The following NFATC1 variants were observed in gnomAD, a reference collection of about 807,000 sequenced individuals.
NFATC1 encodes the protein nuclear factor of activated T cells 1.
Under a neutral mutation model 76.0 loss-of-function variants are expected in NFATC1, and 22 were observed. The observed-to-expected ratio is 0.29, with a 90% CI of 0.21 to 0.41. NFATC1 has a LOEUF of 0.41. Among genes scored for constraint, NFATC1 ranks in the 10% least tolerant of loss-of-function variants. NFATC1 has a pLI of 1.00. For missense variants in NFATC1, 1,357 were observed against 1,337.7 expected (o/e 1.01, Z -0.23); for synonymous variants, 704 against 613.1 (o/e 1.15, Z -2.19).
chr18:79,467,910 A>T (rs1255789645), intron 8 of NFATC1: 1 of 1,151,210 alleles, frequency 8.7e-7, no homozygotes, highest in East Asian at 6.0e-5. Context: ...CCTGGTGTGC[A>T]TTTGCACCCT....
Position 79,483,835 on chromosome 18 carries a change from T to TCCAGCGTGACGTGGTTCCTGGGGTGTCAC in NFATC1, c.2093-2413_2093-2412insCCAGCGTGACGTGGTTCCTGGGGTGTCAC, listed in dbSNP as rs1205233427. On this transcript the variant is annotated intron_variant, in intron 8 of 9. Coordinates refer to ENST00000427363, the MANE Select transcript of NFATC1 (RefSeq NM_001278669.2). ...AGCGTGACCTGGTCCTGGGGTGTCA[T>TCCAGCGTGACGTGGTTCCTGGGGTGTCAC]TCCAGCGTGACGTGGTTCCTGGGGT... is the stretch of plus-strand genomic sequence containing the variant. Among the ~76,000 whole-genome samples the TCCAGCGTGACGTGGTTCCTGGGGTGTCAC allele has an allele frequency of 6.7e-3, 800 of 120,068 alleles. 194 individuals carry two copies. Among genetic ancestry groups the TCCAGCGTGACGTGGTTCCTGGGGTGTCAC allele is most frequent in the African/African-American group, 0.026 (741 of 27,988 alleles). The allele number at this position is 120,068 out of a possible 152,430, so 78.8% of individuals were successfully genotyped here.
rs1049715498 is a variant in NFATC1 at position 79,468,589 on chromosome 18, G to A, written c.2092+1007G>A. On this transcript the variant is annotated intron_variant, in intron 8 of 9. Coordinates refer to ENST00000427363, the MANE Select transcript of NFATC1 (RefSeq NM_001278669.2). ...CAGCTGCGTTCTCTTAGTAAAATCA[G>A]GGTGTTTTGGAAGGTTTCCATTTTC... The A allele has an allele frequency of 3.9e-5, 6 of 152,188 alleles. No homozygotes were observed. In the South Asian group the frequency reaches 1.2e-3, roughly 32 times the overall value. 9.4% of individuals were successfully genotyped at this position (152,188 alleles called of 1,614,324 possible). A position where few individuals can be genotyped will look rare whatever the true frequency, so the allele number is the denominator to read the frequency against.
At chr18:79,458,075 C>T (rs1349899069) in intron 6 of NFATC1, among the ~76,000 whole-genome samples, 1 of 152,190 alleles carries the variant, frequency 6.6e-6, no homozygotes, top group Non-Finnish European at 1.5e-5. Context: ...GCCTGCCTGT[C>T]TCCTGAGCAC....
At chr18:79,426,377 G>A (rs1393825605) in intron 2 of NFATC1, among the ~76,000 whole-genome samples, 4 of 152,232 alleles carry the variant, frequency 2.6e-5, no homozygotes, top group Non-Finnish European at 5.9e-5. Context: ...CCCGTGGAAA[G>A]GACTGTGTGG....
chr18:79,414,336 G>A (rs371915849), intron 2 of NFATC1, among the ~76,000 whole-genome samples: 23 of 152,286 alleles, frequency 1.5e-4, no homozygotes, highest in African/African-American at 4.8e-4. Context: ...TCTCCCCACC[G>A]TGGTACAGAA....
Position 79,410,126 on chromosome 18 carries a change from C to G in NFATC1, c.128-277C>G, listed in dbSNP as rs761955849. 2.1e-5 allele frequency: 16 copies of G among 748,388 alleles called. No individual in the cohort carries two copies. Among genetic ancestry groups the G allele is most frequent in the Non-Finnish European group, 3.7e-5 (15 of 408,388 alleles). 46.4% of individuals were successfully genotyped at this position (748,388 alleles called of 1,614,324 possible). On this transcript the variant is annotated intron_variant, in intron 1 of 9. Coordinates refer to ENST00000427363, the MANE Select transcript of NFATC1 (RefSeq NM_001278669.2). The surrounding 1 kb of genome is among the most constrained non-coding windows in gnomAD (Gnocchi z 6.7). The stretch of plus-strand genomic sequence containing the variant: ...CCCGTGAGGACCCGGCCGCCTCTCC[C>G]TGGGAAGGACGTTCGGGGGCTTGTG...
Position 79,406,535 on chromosome 18 carries a change from A to G in NFATC1, c.128-3868A>G, listed in dbSNP as rs144535851. Among the ~76,000 whole-genome samples, 33 of 152,332 alleles carry G rather than the reference A, an allele frequency of 2.2e-4. 1 individual carries two copies. The highest frequency in any genetic ancestry group is 7.5e-4 in the African/African-American group (31 of 41,588). ...TGTGAGATGGAAGCTGGTTCCTAACATAATGTTGTTTCTGCTCCAACAGGC... is the reference window on the plus strand; with the variant it reads ...TGTGAGATGGAAGCTGGTTCCTAACGTAATGTTGTTTCTGCTCCAACAGGC... On this transcript the variant is annotated intron_variant, in intron 1 of 9. Transcript: ENST00000427363.
intron 8 of NFATC1, among the ~76,000 whole-genome samples, chr18:79,481,343 GC>G (rs2089264385): frequency 6.6e-6 from 1 of 152,234 alleles, no homozygotes; most frequent in Admixed American, 6.5e-5. Context: ...AGCGGTTAGA[GC>G]CCCACCCTCC....
chr18:79,406,453 A>G (rs476897), intron 1 of NFATC1, among the ~76,000 whole-genome samples: 130,609 of 151,978 alleles, frequency 0.86, 57,147 homozygotes, highest in Non-Finnish European at 0.93. Flanking sequence ...CCACGCTGCC[A>G]TCGTGTTCCC....
chr18:79,471,760 C>T (rs1007423294), intron 8 of NFATC1, among the ~76,000 whole-genome samples: 1 of 152,256 alleles, frequency 6.6e-6, no homozygotes, highest in Non-Finnish European at 1.5e-5. Context: ...GCTTTGACCA[C>T]AGAACGTGAC....
intron 9 of NFATC1, among the ~76,000 whole-genome samples, chr18:79,507,386 C>T (rs1437409825): frequency 2.0e-5 from 3 of 152,198 alleles, no homozygotes; most frequent in South Asian, 2.1e-4. Flanking sequence ...CGAGCGGCCG[C>T]GTAAATCAGG....
Position 79,465,120 on chromosome 18 carries a change from T to C in NFATC1, c.1960-2330T>C, listed in dbSNP as rs2088406055. Reference sequence around the variant, plus strand: ...AGTTTAAAGCAGGTTGCGTAGGTGCTGGTGCCATTTGGAACCCGTATTTTT... The same window carrying C: ...AGTTTAAAGCAGGTTGCGTAGGTGCCGGTGCCATTTGGAACCCGTATTTTT... On this transcript the variant is annotated intron_variant, in intron 7 of 9. Coordinates refer to ENST00000427363, the MANE Select transcript of NFATC1 (RefSeq NM_001278669.2). The surrounding 1 kb of genome is among the most constrained non-coding windows in gnomAD (Gnocchi z 4.2). Among the ~76,000 whole-genome samples, 1 of 152,248 alleles carries C rather than the reference T, an allele frequency of 6.6e-6. No individual in the cohort carries two copies. The highest frequency in any genetic ancestry group is 2.4e-5 in the African/African-American group (1 of 41,466).
chr18:79,397,017 G>T (rs12454232), intron 1 of NFATC1, among the ~76,000 whole-genome samples: 17,330 of 152,224 alleles, frequency 0.11, 1,499 homozygotes, highest in East Asian at 0.43. Context: ...GAACCGCCAA[G>T]TTTCGAGCTG....
chr18:79,512,133 TGAG>T lies in NFATC1; in HGVS notation c.2783-15391_2783-15389del, dbSNP rs147234408. On this transcript the variant is annotated intron_variant, in intron 9 of 9. Coordinates refer to ENST00000427363, the MANE Select transcript of NFATC1 (RefSeq NM_001278669.2). ...GGAGCCGGCCTCAGGGAGGATGGCT[TGAG>T]GAGACAAGCCCCAGGACGCAGCCTG... 9.0e-4 allele frequency among the ~76,000 whole-genome samples: 136 copies of T among 151,892 alleles called. 1 individual carries two copies. The East Asian group carries it at 0.023, about 25-fold the overall frequency.
chr18:79,470,409 T>C (rs9989509), intron 8 of NFATC1: 34,075 of 152,200 alleles, frequency 0.22, 4,382 homozygotes, highest in East Asian at 0.37. Flanking sequence ...CTCCTAGGGT[T>C]GTGAAATGTG....
rs752433599 is a variant in NFATC1 at position 79,410,146 on chromosome 18, C to G, written c.128-257C>G. The G allele has an allele frequency of 1.2e-5, 9 of 759,850 alleles. No individual in the cohort carries two copies. In the East Asian group the frequency reaches 2.2e-4, roughly 19 times the overall value. 47.1% of individuals were successfully genotyped at this position (759,850 alleles called of 1,614,324 possible). A position where few individuals can be genotyped will look rare whatever the true frequency, so the allele number is the denominator to read the frequency against. On this transcript the variant is annotated intron_variant, in intron 1 of 9. Transcript: ENST00000427363. The surrounding 1 kb of genome is among the most constrained non-coding windows in gnomAD (Gnocchi z 6.7). The stretch of plus-strand genomic sequence containing the variant: ...TCTCCCTGGGAAGGACGTTCGGGGG[C>G]TTGTGCTGCTGTTAGGGGAGGAGGG...
chr18:79,516,753 C>G (rs1029759113), intron 9 of NFATC1, among the ~76,000 whole-genome samples: 1 of 152,236 alleles, frequency 6.6e-6, no homozygotes, highest in African/African-American at 2.4e-5. Flanking sequence ...GGCGCACACA[C>G]CGAAGCCACC....
rs376168871 is a variant in NFATC1 at position 79,467,201 on chromosome 18, GC to G, written c.1960-248del. ...TGAGCGTGCGTGTCCACACGCGTGTGCAGGTGGCACAGAGCATCCAGGGCTG... is the reference window on the plus strand; with the variant it reads ...TGAGCGTGCGTGTCCACACGCGTGTGAGGTGGCACAGAGCATCCAGGGCTG... On this transcript the variant is annotated intron_variant, in intron 7 of 9. Transcript: ENST00000427363. Among the ~76,000 whole-genome samples the G allele has an allele frequency of 3.3e-5, 5 of 152,360 alleles. No individual in the cohort carries two copies. The South Asian group carries it at 1.0e-3, about 32-fold the overall frequency.
chr18:79,406,811 C>T (rs553061713), intron 1 of NFATC1, among the ~76,000 whole-genome samples: 7 of 152,164 alleles, frequency 4.6e-5, no homozygotes, highest in East Asian at 3.9e-4. Context: ...CGTTGGACTG[C>T]GTCCCTGTGC....
Sources: gnomAD v4.1 joint callset for allele counts (sites outside exome capture counted in the v4.1 genomes callset) on GRCh38, gnomAD v4.1.1 for gene constraint, Gnocchi (gnomAD v3.1) non-coding constraint, MANE v1.5 for transcripts, NCBI Gene and HGNC (gene_info 2026-07-23, HGNC 2026-07-21) for gene names.